Variants in TACC1 observed in about 807,000 individuals in gnomAD.
TACC1 encodes the protein transforming acidic coiled-coil-containing protein 1.
Under a neutral mutation model 84.4 loss-of-function variants are expected in TACC1, and 48 were observed. The ratio of observed to expected loss-of-function variants is 0.57; its 90% CI spans 0.45 to 0.72. TACC1 has a LOEUF of 0.72. TACC1 is among the 30% of genes least tolerant of loss of function. The pLI is 0.00. For missense variants in TACC1, 920 were observed against 973.0 expected (o/e 0.95, Z 0.72); for synonymous variants, 372 against 376.3 (o/e 0.99, Z 0.13).
chr8:38,838,075 G>C (rs1423980826), intron 7 of TACC1, among the ~76,000 whole-genome samples: 2 of 152,368 alleles, frequency 1.3e-5, no homozygotes, highest in East Asian at 3.9e-4. Flanking sequence ...GTTTCACTCT[G>C]GTGGCCTGGC....
At chr8:38,800,417 T>G (rs1456664554) in intron 2 of TACC1, among the ~76,000 whole-genome samples, 1 of 152,200 alleles carries the variant, frequency 6.6e-6, no homozygotes. Context: ...ACTCCATTCC[T>G]CTTCCTTCCC....
At chr8:38,735,350 G>T (rs1217514538) in intron 1 of TACC1, among the ~76,000 whole-genome samples, 4 of 152,186 alleles carry the variant, frequency 2.6e-5, no homozygotes, top group Non-Finnish European at 5.9e-5. Context: ...AGTTACATGG[G>T]TGCTGGATTT....
chr8:38,835,276 T>C (rs1020856142), intron 6 of TACC1, among the ~76,000 whole-genome samples: 1 of 151,906 alleles, frequency 6.6e-6, no homozygotes, highest in Non-Finnish European at 1.5e-5. Context: ...AAAAGTTTAC[T>C]TCCGTAGGTA....
At chr8:38,758,692 A>AAAC (rs1554497928) in intron 3 of TACC1, among the ~76,000 whole-genome samples, 9 of 151,172 alleles carry the variant, frequency 6.0e-5, no homozygotes, top group African/African-American at 2.2e-4. Context: ...AAAAAAAAAA[A>AAAC]AAAAAAAAAA....
chr8:38,807,988 A>G (rs1166639752), intron 2 of TACC1, among the ~76,000 whole-genome samples: 2 of 152,374 alleles, frequency 1.3e-5, no homozygotes, highest in Middle Eastern at 3.4e-3. Flanking sequence ...AAGGCTGACT[A>G]TTGAAAGGAA....
At chr8:38,810,403 C>G (rs1020009177) in intron 2 of TACC1, among the ~76,000 whole-genome samples, 4 of 151,944 alleles carry the variant, frequency 2.6e-5, no homozygotes, top group African/African-American at 9.7e-5. Context: ...GAGTTTGAGA[C>G]CAGCGTGGAC....
upstream of TACC1, among the ~76,000 whole-genome samples, chr8:38,785,519 G>C (rs1563457043): frequency 2.6e-5 from 4 of 152,142 alleles, no homozygotes; most frequent in Non-Finnish European, 5.9e-5. Flanking sequence ...CCAGGTGGGA[G>C]TTATTTACAG....
chr8:38,843,180 A>G (rs1264221411), intron 10 of TACC1, 109 bp from the exon 11 acceptor site: 2 of 701,462 alleles, frequency 2.9e-6, no homozygotes, highest in Non-Finnish European at 4.7e-6. Flanking sequence ...AATAAAAGCC[A>G]TCTGAATTAA....
At chr8:38,788,205 ATGG>A (rs1395748333) in intron 1 of TACC1, 2 of 175,546 alleles carry the variant, frequency 1.1e-5, no homozygotes, top group Non-Finnish European at 1.2e-5. Flanking sequence ...CTGCTGGGAA[ATGG>A]TGGTCTCTGC....
chr8:38,838,157 G>T (rs1387877804), intron 7 of TACC1, among the ~76,000 whole-genome samples: 32 of 152,236 alleles, frequency 2.1e-4, no homozygotes, highest in Admixed American at 2.0e-3. Context: ...CTTGGTGTCT[G>T]TCCCAGTCAG....
chr8:38,768,543 A>AT (rs1812732838), intron 3 of TACC1, among the ~76,000 whole-genome samples: 1 of 151,972 alleles, frequency 6.6e-6, no homozygotes, highest in Non-Finnish European at 1.5e-5. Flanking sequence ...CAAAAGTTCA[A>AT]TTTTTTCCTC....
intron 3 of TACC1, among the ~76,000 whole-genome samples, chr8:38,769,958 TGAGA>T (rs909774479): frequency 1.3e-5 from 2 of 150,072 alleles, no homozygotes; most frequent in Admixed American, 1.3e-4. Context: ...TGTGTGTGTG[TGAGA>T]GAGAGTGGGT....
chr8:38,768,438 T>A (rs1812704358), intron 3 of TACC1, among the ~76,000 whole-genome samples: 1 of 152,194 alleles, frequency 6.6e-6, no homozygotes, highest in South Asian at 2.1e-4. Context: ...CACACAAATG[T>A]GTTGATGGAC....
intron 2 of TACC1, among the ~76,000 whole-genome samples, chr8:38,794,042 A>C (rs1205654345): frequency 6.6e-6 from 1 of 152,204 alleles, no homozygotes; most frequent in Non-Finnish European, 1.5e-5. Flanking sequence ...CCATTAGTCT[A>C]GGCCTGCATG....
intron 3 of TACC1, among the ~76,000 whole-genome samples, chr8:38,768,873 G>A (rs1812815242): frequency 6.7e-6 from 1 of 148,940 alleles, no homozygotes; most frequent in African/African-American, 2.5e-5. Flanking sequence ...GTGAGACTGT[G>A]TATGTAAGAC....
At chr8:38,746,170 T>G (rs2151711401) in intron 3 of TACC1, among the ~76,000 whole-genome samples, 1 of 152,294 alleles carries the variant, frequency 6.6e-6, no homozygotes, top group Non-Finnish European at 1.5e-5. Flanking sequence ...GTTTTGTAGC[T>G]CTCTATGATG....
upstream of TACC1, among the ~76,000 whole-genome samples, chr8:38,783,084 ATCTATC>A (rs1320740122): frequency 3.0e-4 from 33 of 109,358 alleles, no homozygotes; most frequent in African/African-American, 1.5e-3. Context: ...CTATCTATCT[ATCTATC>A]TATCTATCTA....
At chr8:38,802,987 C>T (rs1821763308) in intron 2 of TACC1, among the ~76,000 whole-genome samples, 1 of 152,160 alleles carries the variant, frequency 6.6e-6, no homozygotes, top group African/African-American at 2.4e-5. Flanking sequence ...CGAACTACAT[C>T]AACATCTTAT....
At chr8:38,818,327 T>G (rs1825897239) in intron 2 of TACC1, among the ~76,000 whole-genome samples, 1 of 152,242 alleles carries the variant, frequency 6.6e-6, no homozygotes, top group Non-Finnish European at 1.5e-5. Context: ...GAGGGTCATC[T>G]TTTAATTTCC....
Sources: gnomAD v4.1 joint callset for allele counts (sites outside exome capture counted in the v4.1 genomes callset) on GRCh38, gnomAD v4.1.1 for gene constraint, MANE v1.5 for transcripts, NCBI Gene and HGNC (gene_info 2026-07-23, HGNC 2026-07-21) for gene names.